The following PREX2 variants were observed in gnomAD, a reference collection of about 807,000 sequenced individuals.
PREX2 encodes the protein phosphatidylinositol-3,4,5-trisphosphate dependent Rac exchange factor 2.
In PREX2, 107 loss-of-function variants were observed where a neutral mutation model predicts 203.2. The ratio of observed to expected loss-of-function variants is 0.53; its 90% CI spans 0.45 to 0.62. The LOEUF (loss-of-function observed/expected upper bound fraction) is 0.62, where lower values mean the gene tolerates loss of function less well. Ranked by LOEUF, PREX2 falls within the 20% of genes least tolerant of loss-of-function variation. The probability of loss-of-function intolerance (pLI) is 0.00; values close to 1 mark genes in which losing one functional copy is unlikely to be tolerated. For missense variants in PREX2, 1,777 were observed against 1,955.9 expected (o/e 0.91, Z 1.72); for synonymous variants, 672 against 663.6 (o/e 1.01, Z -0.19).
chr8:68,068,099 T>A (rs1809074531), intron 11 of PREX2, among the ~76,000 whole-genome samples: 1 of 152,124 alleles, frequency 6.6e-6, no homozygotes, highest in Non-Finnish European at 1.5e-5. Context: ...TATTGTGATA[T>A]TGAACTTGAT....
chr8:68,076,842 ATT>A (rs34561375), intron 14 of PREX2, among the ~76,000 whole-genome samples: 5 of 149,962 alleles, frequency 3.3e-5, no homozygotes, highest in African/African-American at 9.8e-5. Flanking sequence ...AAATGATCTG[ATT>A]TTTTTTTTTG....
At chr8:68,095,555 GTGTATCTATGTGTGTGTGTGTGTGTGTA>G (rs1417622270) in intron 21 of PREX2, among the ~76,000 whole-genome samples, 1 of 140,214 alleles carries the variant, frequency 7.1e-6, no homozygotes, top group African/African-American at 2.8e-5. Context: ...GTGTGTGTGT[GTGTATCTATGTGTGTGTGTGTGTGTGTA>G]TATGTGTGTG....
rs576439215 is a variant in PREX2 at position 68,161,697 on chromosome 8, TA to T, written c.4346+4273del. Among the ~76,000 whole-genome samples, 544 of 145,924 alleles carry T rather than the reference TA, an allele frequency of 3.7e-3. 3 individuals are homozygous for T. The highest frequency in any genetic ancestry group is 0.011 in the Admixed American group (157 of 14,604). On this transcript the variant is annotated intron_variant, in intron 35 of 39. Transcript: ENST00000288368. ...TGACCATATAAAGTTCTCTCTCAAG[TA>T]AAAAAAAAAAATTACTCTATCTTTT...
At chr8:67,969,126 A>G (rs1021536519) in intron 1 of PREX2, among the ~76,000 whole-genome samples, 1 of 152,136 alleles carries the variant, frequency 6.6e-6, no homozygotes, top group Non-Finnish European at 1.5e-5. Context: ...CTGAGTGCTG[A>G]CAGTGCTCAT....
chr8:68,192,112 A>G (rs1186277205), intron 36 of PREX2, among the ~76,000 whole-genome samples: 2 of 152,192 alleles, frequency 1.3e-5, no homozygotes, highest in Admixed American at 1.3e-4. Context: ...TTTACTTGGC[A>G]CTGAATCCAT....
Position 68,022,106 on chromosome 8 carries a change from T to A in PREX2, c.407T>A (p.Leu136His), listed in dbSNP as rs996466594. 7.0e-6 allele frequency: 11 copies of A among 1,564,970 alleles called. No homozygotes were observed. Among genetic ancestry groups the A allele is most frequent in the Non-Finnish European group, 8.8e-6 (10 of 1,135,678 alleles). ...AAGGCACAAAAATTACTTCTTGAAC[T>A]CAACAAAATAAGAACAATCCGGACA... ...HEKAQKLLLE[L>H]NKIRTIRTFL... Residue 136 changes from leucine (L) to histidine (H), a missense_variant, in exon 4 of 40, where the codon CTC (leucine) becomes CAC (histidine). Coordinates refer to ENST00000288368, the MANE Select transcript of PREX2 (RefSeq NM_024870.4).
intron 14 of PREX2, 46 bp downstream of exon 14, chr8:68,072,616 T>A: frequency 9.5e-7 from 1 of 1,058,142 alleles, no homozygotes; most frequent in Non-Finnish European, 1.5e-6. Context: ...GCTGCTGCTT[T>A]AAACTCTGAG....
At chr8:67,970,082 T>G (rs542452053) in intron 1 of PREX2, among the ~76,000 whole-genome samples, 2 of 152,280 alleles carry the variant, frequency 1.3e-5, no homozygotes, top group South Asian at 4.1e-4. Context: ...GTATGGGAAA[T>G]AGTAAGAGGG....
At chr8:68,178,811 CA>C (rs1395616925) in intron 35 of PREX2, among the ~76,000 whole-genome samples, 16 of 152,056 alleles carry the variant, frequency 1.1e-4, no homozygotes, top group African/African-American at 2.9e-4. Context: ...GATATGCTTA[CA>C]GTAAGGAAGG....
intron 34 of PREX2, among the ~76,000 whole-genome samples, chr8:68,150,704 G>T (rs1811416506): frequency 6.6e-6 from 1 of 152,176 alleles, no homozygotes; most frequent in Admixed American, 6.5e-5. Flanking sequence ...CACAGACCAA[G>T]TGTTTCAGGG....
At chr8:68,000,970 A>C (rs913245423) in intron 1 of PREX2, among the ~76,000 whole-genome samples, 18 of 152,226 alleles carry the variant, frequency 1.2e-4, no homozygotes, top group South Asian at 1.0e-3. Context: ...AAAAGGCTTA[A>C]ATGTAAAATC....
chr8:68,158,312 T>C (rs1811587108), intron 35 of PREX2, among the ~76,000 whole-genome samples: 2 of 151,930 alleles, frequency 1.3e-5, no homozygotes, highest in African/African-American at 4.8e-5. Context: ...AAATACTATT[T>C]TGACATTTTT....
chr8:67,996,039 G>A (rs1415310939), intron 1 of PREX2, among the ~76,000 whole-genome samples: 1 of 151,968 alleles, frequency 6.6e-6, no homozygotes, highest in African/African-American at 2.4e-5. Context: ...ATGATATTTA[G>A]TTAATAGTAT....
intron 34 of PREX2, among the ~76,000 whole-genome samples, chr8:68,154,125 T>G (rs1811495378): frequency 6.6e-6 from 1 of 152,220 alleles, no homozygotes; most frequent in South Asian, 2.1e-4. Flanking sequence ...TTCTCCTTCC[T>G]GTCTTTCTGG....
At chr8:68,071,028 G>T (rs546561354) in intron 13 of PREX2, among the ~76,000 whole-genome samples, 1 of 152,048 alleles carries the variant, frequency 6.6e-6, no homozygotes, top group Non-Finnish European at 1.5e-5. Flanking sequence ...TAGCAATTGG[G>T]TACTTAAATA....
intron 23 of PREX2, among the ~76,000 whole-genome samples, chr8:68,101,660 C>T (rs75363982): frequency 1.3e-5 from 2 of 152,154 alleles, no homozygotes; most frequent in Non-Finnish European, 2.9e-5. Context: ...AATCAGTATT[C>T]TCCTTTCGAA....
intron 35 of PREX2, among the ~76,000 whole-genome samples, chr8:68,158,131 A>G (rs1811581138): frequency 1.3e-5 from 2 of 149,478 alleles, no homozygotes; most frequent in South Asian, 4.2e-4. Context: ...ATGTATATAT[A>G]TATACACACA....
intron 1 of PREX2, among the ~76,000 whole-genome samples, chr8:68,010,929 ACAAGGAAC>A (rs1807240125): frequency 6.6e-6 from 1 of 152,192 alleles, no homozygotes; most frequent in Non-Finnish European, 1.5e-5. Flanking sequence ...CCGAAACAAT[ACAAGGAAC>A]ACAAGATCTT....
intron 20 of PREX2, among the ~76,000 whole-genome samples, chr8:68,093,390 C>CAA (rs56001927): frequency 5.9e-4 from 48 of 81,302 alleles, no homozygotes; most frequent in Non-Finnish European, 7.4e-4. Context: ...AACTCCATCT[C>CAA]AAAAAAAAAA....
Sources: gnomAD v4.1 joint callset for allele counts (sites outside exome capture counted in the v4.1 genomes callset) on GRCh38, gnomAD v4.1.1 for gene constraint, MANE v1.5 for transcripts, NCBI Gene and HGNC (gene_info 2026-07-23, HGNC 2026-07-21) for gene names.